The following ROBO4 variants were observed in gnomAD, a reference collection of about 807,000 sequenced individuals.
ROBO4 encodes roundabout homolog 4.
In ROBO4, 80 loss-of-function variants were observed where a neutral mutation model predicts 103.3. The observed-to-expected ratio is 0.77, with a 90% CI of 0.65 to 0.93. ROBO4 has a LOEUF of 0.93. Among genes scored for constraint, ROBO4 ranks in the 40% least tolerant of loss-of-function variants. The pLI is 0.00. For missense variants in ROBO4, 1,333 were observed against 1,305.3 expected (o/e 1.02, Z -0.33); for synonymous variants, 504 against 529.7 (o/e 0.95, Z 0.67).
In ROBO4 at chr11:124,895,834, T is replaced by G; in HGVS notation, c.758A>C (p.Asp253Ala). The change falls in exon 5 of 18, where the codon GAT becomes GCT. Residue 253 changes from aspartate to alanine, a missense_variant. Coordinates refer to ENST00000306534, the MANE Select transcript of ROBO4 (RefSeq NM_019055.6). ...QLENVTLLNPDPAEGPKPRPA... is the reference protein window; with the variant it reads ...QLENVTLLNPAPAEGPKPRPA... ...TCTAGGCTTGGGGCCCTCTGCAGGA[T>G]CCGGGTTCAGCAGTGTCACATTTTC... The G allele has an allele frequency of 2.5e-6, 4 of 1,614,090 alleles. No homozygotes were observed. Among genetic ancestry groups the G allele is most frequent in the Non-Finnish European group, 3.4e-6 (4 of 1,180,024 alleles).
At chr11:124,894,946 C>T in intron 7 of ROBO4, 135 bp downstream of exon 7, 1 of 700,880 alleles carries the variant, frequency 1.4e-6, no homozygotes, top group Middle Eastern at 2.7e-4. Flanking sequence ...TGGGTCCTTG[C>T]TCAGCAAAAG....
chr11:124,891,391 G>T lies in ROBO4; in HGVS notation c.1856C>A (p.Ser619Tyr), dbSNP rs1190041135. ...GCGGCTGCAGAGGCTGTCTGAGCTG[G>T]AACAGGGGCTGGAGAGCTGGGCCAG... ...PQLAQLSSPC[S>Y]SSDSLCSRRG... Residue 619 changes from serine to tyrosine, a missense_variant, in exon 12 of 18, where the codon TCC (serine) becomes TAC (tyrosine). By Grantham distance (144) the Ser-to-Tyr change is moderately radical. Transcript: ENST00000306534. 1.9e-6 allele frequency: 3 copies of T among 1,572,672 alleles called. No homozygotes were observed. In the Admixed American group the frequency reaches 5.3e-5, roughly 28 times the overall value.
At position 124,897,768 on chromosome 11, in the gene ROBO4, C is replaced by G. The variant is rs747720339; in HGVS notation, c.28G>C (p.Gly10Arg). ...AGCAGAGGCAGGGAACCCCTGCCCC[C>G]CAGGAGGCTGTCTCCTCCAGAGCCC... MGSGGDSLLGGRGSLPLLLL... is the reference protein window; with the variant it reads MGSGGDSLLRGRGSLPLLLL... Residue 10 changes from glycine (G) to arginine (R), a missense_variant, in exon 1 of 18, where the codon GGG (glycine) becomes CGG (arginine). Gly to Arg is a moderately radical substitution (Grantham distance 125). Coordinates refer to ENST00000306534, the MANE Select transcript of ROBO4 (RefSeq NM_019055.6). 9.3e-6 allele frequency: 15 copies of G among 1,613,832 alleles called. No homozygotes were observed. Among genetic ancestry groups the G allele is most frequent in the Non-Finnish European group, 1.3e-5 (15 of 1,179,914 alleles).
At chr11:124,888,520 G>A (rs1946751784) in intron 12 of ROBO4, among the ~76,000 whole-genome samples, 1 of 152,222 alleles carries the variant, frequency 6.6e-6, no homozygotes, top group Non-Finnish European at 1.5e-5. Flanking sequence ...TTCAGAGTGG[G>A]AAAAGGTATT....
chr11:124,891,154 T>C, intron 12 of ROBO4, 145 bp downstream of exon 12: 1 of 902,310 alleles, frequency 1.1e-6, no homozygotes, highest in Non-Finnish European at 1.5e-6. Context: ...GAGAAAGAGG[T>C]CTTGTGTCCA....
At chr11:124,897,473 C>A in intron 1 of ROBO4, 1 of 162,742 alleles carries the variant, frequency 6.1e-6, no homozygotes. Context: ...CATGTTCGCT[C>A]TCTCTCTCTC....
chr11:124,887,459 T>A lies in ROBO4; in HGVS notation c.2097A>T (p.Gly699=), dbSNP rs757607846. The stretch of plus-strand genomic sequence containing the variant: ...CATTTGAGGAGCTGAGGAGTTTCGG[T>A]CCCAGGGCCCGCCAGGCAACCAGAG... ...PQALVAWRAL[G]PKLLSSSNEL... is the part of the protein sequence containing the mutation. Residue 699 remains glycine (G), a synonymous_variant, in exon 14 of 18, where the codon GGA becomes GGT. Coordinates refer to ENST00000306534, the MANE Select transcript of ROBO4 (RefSeq NM_019055.6). 9 of 1,613,940 alleles carry A rather than the reference T, an allele frequency of 5.6e-6. No individual in the cohort carries two copies. The highest frequency in any genetic ancestry group is 7.6e-6 in the Non-Finnish European group (9 of 1,179,954).
intron 17 of ROBO4, 25 bp downstream of exon 17, chr11:124,885,016 A>G (rs773739167): frequency 6.2e-7 from 1 of 1,613,930 alleles, no homozygotes; most frequent in East Asian, 2.2e-5. Flanking sequence ...AGATGAACAC[A>G]TTAGCCAGGA....
rs150423609 is a variant in ROBO4, at chr11:124,886,738, C to T, written c.2520G>A (p.Thr840=). The change falls in exon 16 of 18, where the codon ACG becomes ACA. Residue 840 remains threonine (T), a synonymous_variant. Transcript: ENST00000306534. ...YISVPTASEF[T]DMGRTGGGVG... ...CCCCTCCTCCAGTCCTGCCCATGTC[C>T]GTGAACTCTGAGGCTGTTGGGACGC... 1.7e-5 allele frequency: 27 copies of T among 1,589,806 alleles called. No homozygotes were observed. The East Asian group carries it at 2.0e-4, about 12-fold the overall frequency.
rs1490134999 is a variant in ROBO4, at chr11:124,892,887, AC to A, written c.1547+800del. On this transcript the variant is annotated intron_variant, in intron 10 of 17. Coordinates refer to ENST00000306534, the MANE Select transcript of ROBO4 (RefSeq NM_019055.6). ...AGAAAGAAGCCAGTGAGCTCAGAAA[AC>A]TCAAAACACAACACCAGCCAGCTTG... The A allele has an allele frequency of 2.0e-5, 3 of 152,538 alleles. No individual in the cohort carries two copies. In the East Asian group the frequency reaches 5.8e-4, roughly 29 times the overall value. The allele number at this position is 152,538 out of a possible 1,614,324, so 9.4% of individuals were successfully genotyped here.
chr11:124,885,072 A>G lies in ROBO4; in HGVS notation c.2970T>C (p.Ser990=). ...PPDSQISSQR[S]QLHCRMPKAG... is the part of the protein sequence containing the mutation. Reference sequence around the variant, plus strand: ...CCTTGGGCATACGACAGTGGAGCTGACTTCTCTGGGAAGAGATCTGAGAGT... The same window carrying G: ...CCTTGGGCATACGACAGTGGAGCTGGCTTCTCTGGGAAGAGATCTGAGAGT... Residue 990 remains serine (S), a synonymous_variant, in exon 17 of 18, where the codon AGT becomes AGC. Coordinates refer to ENST00000306534, the MANE Select transcript of ROBO4 (RefSeq NM_019055.6). 6.2e-7 allele frequency: 1 copy of G among 1,614,160 alleles called. No individual in the cohort carries two copies. The highest frequency in any genetic ancestry group is 8.5e-7 in the Non-Finnish European group (1 of 1,180,028).
intron 1 of ROBO4, 98 bp from the exon 2 acceptor site, chr11:124,897,359 A>G: frequency 1.0e-6 from 1 of 956,196 alleles, no homozygotes; most frequent in Non-Finnish European, 1.5e-6. Flanking sequence ...CGAGTTTGCC[A>G]GAAAACCTGT....
At position 124,884,841 on chromosome 11, in the gene ROBO4, G is replaced by C. The variant is rs747981929; in HGVS notation, c.*50C>G. 4.4e-6 allele frequency: 7 copies of C among 1,609,078 alleles called. No individual in the cohort carries two copies. In the South Asian group the frequency reaches 7.7e-5, roughly 18 times the overall value. ...CACCACAGCCCAGGTCTTGTGGGTG[G>C]ACAGGAGAAGTGGTTCTGATTCCCG... On this transcript the variant is annotated 3_prime_UTR_variant, in exon 18 of 18. Coordinates refer to ENST00000306534, the MANE Select transcript of ROBO4 (RefSeq NM_019055.6).
At position 124,891,401 on chromosome 11, in the gene ROBO4, T is replaced by A. The variant is rs750044288; in HGVS notation, c.1846A>T (p.Ser616Cys). 29 of 1,579,536 alleles carry A rather than the reference T, an allele frequency of 1.8e-5. No homozygotes were observed. Among genetic ancestry groups the A allele is most frequent in the Middle Eastern group, 1.8e-4 (1 of 5,572 alleles). ...AGGCTGTCTGAGCTGGAACAGGGGCTGGAGAGCTGGGCCAGCTGGGGTGGG... is the reference window on the plus strand; with the variant it reads ...AGGCTGTCTGAGCTGGAACAGGGGCAGGAGAGCTGGGCCAGCTGGGGTGGG... ...RLPPQLAQLSSPCSSSDSLCS... is the reference protein window; with the variant it reads ...RLPPQLAQLSCPCSSSDSLCS... The change falls in exon 12 of 18, where the codon AGC (serine) becomes TGC (cysteine). Residue 616 changes from serine to cysteine, a missense_variant. Transcript: ENST00000306534.
rs113353712 is a variant in ROBO4 at position 124,896,363 on chromosome 11, G to T, written c.559-45C>A. 3,909 of 1,609,718 alleles carry T rather than the reference G, an allele frequency of 2.4e-3. 89 individuals carry two copies. The African/African-American group carries it at 0.045, about 19-fold the overall frequency. ...TGTGAAGTCTCCTATGTGGGGAGGGGCTCTGAGCTGGGGGGAAGTTTGAGG... is the reference window on the plus strand; with the variant it reads ...TGTGAAGTCTCCTATGTGGGGAGGGTCTCTGAGCTGGGGGGAAGTTTGAGG... On this transcript the variant is annotated intron_variant, in intron 3 of 17. Coordinates refer to ENST00000306534, the MANE Select transcript of ROBO4 (RefSeq NM_019055.6).
Position 124,896,281 on chromosome 11 carries a change from T to A in ROBO4, c.596A>T (p.Lys199Met), listed in dbSNP as rs763056946. Residue 199 changes from lysine to methionine, a missense_variant, in exon 4 of 18, where the codon AAG (lysine) becomes ATG (methionine). Lys to Met is a moderately conservative substitution (Grantham distance 95, BLOSUM62 -1). Transcript: ENST00000306534. The part of the protein sequence containing the change: ...GGSLLMARAE[K>M]SDEGTYMCVA... ...ACACATGTAGGTCCCTTCGTCACTCTTCTCTGCTCTTGCCATCAGCAGGGA... is the reference window on the plus strand; with the variant it reads ...ACACATGTAGGTCCCTTCGTCACTCATCTCTGCTCTTGCCATCAGCAGGGA... 1 of 1,614,146 alleles carries A rather than the reference T, an allele frequency of 6.2e-7. No individual in the cohort carries two copies. Among genetic ancestry groups the A allele is most frequent in the Non-Finnish European group, 8.5e-7 (1 of 1,180,030 alleles).
chr11:124,884,851 G>C lies in ROBO4; in HGVS notation c.*40C>G. 7 of 1,613,082 alleles carry C rather than the reference G, an allele frequency of 4.3e-6. No homozygotes were observed. The highest frequency in any genetic ancestry group is 5.1e-6 in the Non-Finnish European group (6 of 1,178,972). On this transcript the variant is annotated 3_prime_UTR_variant, in exon 18 of 18. Transcript: ENST00000306534. ...CAGGTCTTGTGGGTGGACAGGAGAA[G>C]TGGTTCTGATTCCCGTCTGGGAAGT... is the stretch of plus-strand genomic sequence containing the variant.
chr11:124,886,809 G>A lies in ROBO4; in HGVS notation c.2449C>T (p.Pro817Ser). ...GEETPRNSVS[P>S]MPRAPSPPTT... The stretch of plus-strand genomic sequence containing the variant: ...GGGGGTGAAGGAGCCCTTGGCATGG[G>A]AGAGACGCTGTTCCTAGGGAGAGGC... Residue 817 changes from proline to serine, a missense_variant, in exon 16 of 18, where the codon CCC becomes TCC. Pro to Ser is a moderately conservative substitution (Grantham distance 74). Transcript: ENST00000306534. The A allele has an allele frequency of 6.5e-7, 1 of 1,535,920 alleles. No homozygotes were observed.
At chr11:124,885,697 T>C (rs911680142) in intron 16 of ROBO4, among the ~76,000 whole-genome samples, 4 of 152,056 alleles carry the variant, frequency 2.6e-5, no homozygotes, top group Admixed American at 2.0e-4. Flanking sequence ...TGTACTACCT[T>C]CTGCTGACAT....
Sources: gnomAD v4.1 joint callset for allele counts (sites outside exome capture counted in the v4.1 genomes callset) on GRCh38, gnomAD v4.1.1 for gene constraint, MANE v1.5 for transcripts, NCBI Gene and HGNC (gene_info 2026-07-23, HGNC 2026-07-21) for gene names.